PCDH11Y: variants seen among roughly 807,000 people sequenced by gnomAD.
The protein encoded by PCDH11Y is protocadherin 11 Y-linked, also known as protocadherin-11 Y-linked.
For missense variants in PCDH11Y, 12 were observed against 224.8 expected (o/e 0.05, Z 6.05); for synonymous variants, 9 against 83.6 (o/e 0.11, Z 4.87).
At chrY:5,096,438 CGTGTGTGTGTGT>C (rs367616063) in intron 1 of PCDH11Y, among the ~76,000 whole-genome samples, 1 of 19,763 alleles carries the variant, frequency 5.1e-5, no homozygotes, top group Admixed American at 5.1e-4. Flanking sequence ...TTTAGATGTA[CGTGTGTGTGTGT>C]GTGTGTGTGT....
At chrY:5,582,922 T>C in intron 4 of PCDH11Y, among the ~76,000 whole-genome samples, 1 of 33,156 alleles carries the variant, frequency 3.0e-5, no homozygotes, top group African/African-American at 1.2e-4. Flanking sequence ...CTGTGCCTGT[T>C]GGATAATGCT....
chrY:5,366,813 C>G (rs2124672611), intron 2 of PCDH11Y, among the ~76,000 whole-genome samples: 1 of 28,903 alleles, frequency 3.5e-5, no homozygotes, highest in African/African-American at 1.4e-4. Flanking sequence ...CTCTGCCTAC[C>G]GGGTTCAAGT....
intron 2 of PCDH11Y, among the ~76,000 whole-genome samples, chrY:5,471,032 T>C (rs2053313661): frequency 3.2e-5 from 1 of 31,715 alleles, no homozygotes. Context: ...TAAAGCAAAG[T>C]TCATGTCTCT....
chrY:5,082,092 T>A, intron 1 of PCDH11Y, among the ~76,000 whole-genome samples: 2 of 33,689 alleles, frequency 5.9e-5, no homozygotes, highest in African/African-American at 2.3e-4. Flanking sequence ...TTGTTGAATT[T>A]TATTGAAGGC....
intron 3 of PCDH11Y, among the ~76,000 whole-genome samples, chrY:5,516,632 G>C: frequency 6.2e-5 from 2 of 32,316 alleles, no homozygotes; most frequent in South Asian, 1.4e-3. Context: ...TTTTTTGTTT[G>C]TTTGTTTGTT....
intron 2 of PCDH11Y, among the ~76,000 whole-genome samples, chrY:5,417,027 A>G: frequency 3.5e-5 from 1 of 28,909 alleles, no homozygotes; most frequent in Non-Finnish European, 8.2e-5. Flanking sequence ...GGGGTTTTAA[A>G]GAATAGTTCC....
At chrY:5,550,204 T>C in intron 3 of PCDH11Y, among the ~76,000 whole-genome samples, 1 of 32,758 alleles carries the variant, frequency 3.1e-5, no homozygotes, top group African/African-American at 1.2e-4. Context: ...ATGTGATTAT[T>C]ATATGTTGCA....
intron 2 of PCDH11Y, among the ~76,000 whole-genome samples, chrY:5,390,392 T>C: frequency 5.9e-5 from 2 of 33,929 alleles, no homozygotes; most frequent in African/African-American, 1.2e-4. Context: ...CCAGAGGTCG[T>C]GGGCTTTGTT....
At chrY:5,545,697 G>C (rs2124693500) in intron 3 of PCDH11Y, among the ~76,000 whole-genome samples, 1 of 32,340 alleles carries the variant, frequency 3.1e-5, no homozygotes, top group East Asian at 8.1e-4. Context: ...AGTAGGAGTT[G>C]AGTAAATACT....
At chrY:5,212,116 G>C in intron 2 of PCDH11Y, among the ~76,000 whole-genome samples, 1 of 32,810 alleles carries the variant, frequency 3.0e-5, no homozygotes, top group Admixed American at 2.8e-4. Flanking sequence ...TTTAAAGTTT[G>C]TATTTAATTT....
At chrY:5,625,463 G>A in intron 4 of PCDH11Y, among the ~76,000 whole-genome samples, 1 of 21,665 alleles carries the variant, frequency 4.6e-5, no homozygotes, top group Admixed American at 5.0e-4. Context: ...AACGGGAGCA[G>A]TTAGAGTGAA....
chrY:5,217,684 G>A, intron 2 of PCDH11Y, among the ~76,000 whole-genome samples: 1 of 33,804 alleles, frequency 3.0e-5, no homozygotes, highest in South Asian at 6.4e-4. Context: ...TCAGGAGATA[G>A]CATTGGCCAC....
At chrY:5,567,370 T>G in intron 3 of PCDH11Y, among the ~76,000 whole-genome samples, 1 of 31,219 alleles carries the variant, frequency 3.2e-5, no homozygotes, top group Non-Finnish European at 7.7e-5. Flanking sequence ...TGCATATAAA[T>G]TGAATATATT....
intron 1 of PCDH11Y, among the ~76,000 whole-genome samples, chrY:5,028,207 A>T: frequency 3.0e-5 from 1 of 33,475 alleles, no homozygotes; most frequent in East Asian, 7.9e-4. Flanking sequence ...GCTAGTGTCG[A>T]TATTCCTTGT....
intron 2 of PCDH11Y, among the ~76,000 whole-genome samples, chrY:5,145,782 A>G (rs2052856465): frequency 3.0e-5 from 1 of 33,703 alleles, no homozygotes; most frequent in Admixed American, 2.7e-4. Context: ...CAGATTAGGA[A>G]ACTGAAGTCT....
At position 5,060,482 on chromosome Y, in the gene PCDH11Y, A is replaced by G. The variant is rs542230785; in HGVS notation, c.636+3023A>G. On this transcript the variant is annotated intron_variant, in intron 1 of 1. Transcript: ENST00000215473. ...ATATATACATATATTAATTTAGCTT[A>G]CCTTTTGATGACTTTCAGTATACCT... Among the ~76,000 whole-genome samples the G allele has an allele frequency of 6.5e-4, 20 of 30,689 alleles. No individual in the cohort carries two copies. In the South Asian group the frequency reaches 0.016, roughly 24 times the overall value. 82.3% of individuals were successfully genotyped at this position (30,689 alleles called of 37,273 possible). A position where few individuals can be genotyped will look rare whatever the true frequency, so the allele number is the denominator to read the frequency against.
exon 2 of PCDH11Y, chrY:5,099,708 C>T: frequency 2.5e-6 from 1 of 399,088 alleles, no homozygotes; most frequent in South Asian, 3.0e-5. Context: ...TCCCTCCTTA[C>T]AACTATTCTT....
chrY:5,551,972 C>T, intron 3 of PCDH11Y, among the ~76,000 whole-genome samples: 4 of 32,330 alleles, frequency 1.2e-4, no homozygotes. Context: ...ATTACAGTCC[C>T]CATGTCATAT....
chrY:5,016,023 G>A, intron 1 of PCDH11Y, among the ~76,000 whole-genome samples: 1 of 30,109 alleles, frequency 3.3e-5, no homozygotes, highest in Admixed American at 3.1e-4. Context: ...CCCCAGCTAC[G>A]TGGAACTGTG....
Sources: gnomAD v4.1 joint callset for allele counts (sites outside exome capture counted in the v4.1 genomes callset) on GRCh38, gnomAD v4.1.1 for gene constraint, MANE v1.5 for transcripts, NCBI Gene and HGNC (gene_info 2026-07-23, HGNC 2026-07-21) for gene names.